ZMAT4: variants seen among roughly 807,000 people sequenced by gnomAD.
The protein encoded by ZMAT4 is zinc finger matrin-type protein 4.
In ZMAT4, 17 loss-of-function variants were observed where a neutral mutation model predicts 28.7. That is an observed-to-expected ratio of 0.59 (90% CI 0.41 to 0.89). ZMAT4 has a LOEUF of 0.89. Ranked by LOEUF, ZMAT4 falls within the 40% of genes least tolerant of loss-of-function variation. The pLI, the probability that ZMAT4 is intolerant of heterozygous loss-of-function variation, is 0.00. For missense variants in ZMAT4, 240 were observed against 283.8 expected, an observed-to-expected ratio of 0.85 and a Z score of 1.11; for synonymous variants, 117 against 109.2, an observed-to-expected ratio of 1.07 and a Z score of -0.44.
intron 4 of ZMAT4, among the ~76,000 whole-genome samples, chr8:40,688,409 T>G (rs1376176029): frequency 6.6e-6 from 1 of 152,072 alleles, no homozygotes; most frequent in East Asian, 1.9e-4. Context: ...AGAACTGAGA[T>G]GGCACCACTG....
chr8:40,879,033 T>C (rs573237528), intron 1 of ZMAT4, among the ~76,000 whole-genome samples: 1 of 152,334 alleles, frequency 6.6e-6, no homozygotes, highest in Admixed American at 6.5e-5. Flanking sequence ...TCCTGGAAGC[T>C]AATGAAGTTC....
intron 5 of ZMAT4, among the ~76,000 whole-genome samples, chr8:40,598,862 G>C (rs1322287182): frequency 6.6e-6 from 1 of 152,134 alleles, no homozygotes; most frequent in Non-Finnish European, 1.5e-5. Context: ...GATTTGGATT[G>C]TTACGGGGTT....
At chr8:40,562,790 C>A (rs573876770) in intron 6 of ZMAT4, among the ~76,000 whole-genome samples, 1 of 152,246 alleles carries the variant, frequency 6.6e-6, no homozygotes, top group East Asian at 1.9e-4. Flanking sequence ...TCTACACCTT[C>A]CTTCTTGAAA....
At chr8:40,566,559 A>T (rs1027866754) in intron 6 of ZMAT4, among the ~76,000 whole-genome samples, 1 of 152,108 alleles carries the variant, frequency 6.6e-6, no homozygotes, top group Non-Finnish European at 1.5e-5. Context: ...CTCTCACGGG[A>T]TGTGGAATAC....
chr8:40,885,631 C>T (rs943146124), intron 1 of ZMAT4, among the ~76,000 whole-genome samples: 2 of 152,214 alleles, frequency 1.3e-5, no homozygotes, highest in African/African-American at 2.4e-5. Context: ...CTCAAGTGAT[C>T]CTCCTGAGCA....
intron 5 of ZMAT4, among the ~76,000 whole-genome samples, chr8:40,610,031 C>T (rs892838306): frequency 5.9e-5 from 9 of 152,126 alleles, no homozygotes; most frequent in African/African-American, 2.2e-4. Context: ...AATAAATGTC[C>T]TGCAATTGTA....
intron 3 of ZMAT4, among the ~76,000 whole-genome samples, chr8:40,745,082 G>C (rs908267380): frequency 6.6e-6 from 1 of 152,184 alleles, no homozygotes; most frequent in African/African-American, 2.4e-5. Context: ...TGAAACCACA[G>C]GAAGGGACAA....
At chr8:40,631,987 T>C (rs560806026) in intron 5 of ZMAT4, among the ~76,000 whole-genome samples, 3 of 152,352 alleles carry the variant, frequency 2.0e-5, no homozygotes, top group Admixed American at 6.5e-5. Flanking sequence ...AGTGATTTCT[T>C]TCTCTGGAGC....
At chr8:40,641,917 A>T (rs916072168) in intron 5 of ZMAT4, among the ~76,000 whole-genome samples, 5 of 152,128 alleles carry the variant, frequency 3.3e-5, no homozygotes, top group African/African-American at 1.2e-4. Context: ...ACAAAGCGAG[A>T]ATCCGTCTAA....
At chr8:40,651,511 T>C (rs1393780822) in intron 5 of ZMAT4, among the ~76,000 whole-genome samples, 6 of 149,768 alleles carry the variant, frequency 4.0e-5, no homozygotes, top group Non-Finnish European at 7.4e-5. Flanking sequence ...CCCAAGGTAA[T>C]TTACAGATTC....
chr8:40,710,421 A>C (rs1356914230), intron 3 of ZMAT4, among the ~76,000 whole-genome samples: 1 of 152,214 alleles, frequency 6.6e-6, no homozygotes, highest in Admixed American at 6.5e-5. Flanking sequence ...GGCGAGTATC[A>C]AACCCTGTAA....
chr8:40,719,400 C>T (rs1214077262), intron 3 of ZMAT4, among the ~76,000 whole-genome samples: 1 of 151,816 alleles, frequency 6.6e-6, no homozygotes, highest in African/African-American at 2.4e-5. Flanking sequence ...TGAGATCGTG[C>T]CATCCAACCT....
At chr8:40,774,946 G>A (rs1202858230) in intron 2 of ZMAT4, among the ~76,000 whole-genome samples, 1 of 152,030 alleles carries the variant, frequency 6.6e-6, no homozygotes, top group Non-Finnish European at 1.5e-5. Context: ...TTCTAACACT[G>A]ATGATTTATC....
chr8:40,749,220 C>A (rs1812361675), intron 3 of ZMAT4, among the ~76,000 whole-genome samples: 1 of 152,028 alleles, frequency 6.6e-6, no homozygotes, highest in Non-Finnish European at 1.5e-5. Flanking sequence ...ATCAAATATC[C>A]AATCAGAAAG....
chr8:40,860,580 T>G (rs1160386264), intron 1 of ZMAT4, among the ~76,000 whole-genome samples: 2 of 152,224 alleles, frequency 1.3e-5, no homozygotes, highest in Non-Finnish European at 2.9e-5. Flanking sequence ...CATAGATCTG[T>G]GCGTTTGCCA....
intron 3 of ZMAT4, among the ~76,000 whole-genome samples, chr8:40,740,910 A>C (rs1437610619): frequency 6.6e-6 from 1 of 152,092 alleles, no homozygotes. Context: ...TCTACTTTAT[A>C]CATTCTTGAA....
intron 2 of ZMAT4, among the ~76,000 whole-genome samples, chr8:40,806,533 T>A (rs1815091647): frequency 6.6e-6 from 1 of 152,180 alleles, no homozygotes; most frequent in South Asian, 2.1e-4. Flanking sequence ...TCGTTTTTAA[T>A]TATTAAATAT....
At chr8:40,848,497 C>A (rs1816988812) in intron 1 of ZMAT4, among the ~76,000 whole-genome samples, 1 of 152,166 alleles carries the variant, frequency 6.6e-6, no homozygotes, top group African/African-American at 2.4e-5. Flanking sequence ...ATGAGTCAGG[C>A]AGCTGTACAT....
chr8:40,801,347 A>ATATAT (rs1174640469), intron 2 of ZMAT4, among the ~76,000 whole-genome samples: 1 of 48,570 alleles, frequency 2.1e-5, no homozygotes, highest in African/African-American at 9.3e-5. Context: ...TCTTTAAAAA[A>ATATAT]AAAAATATAT....
Sources: gnomAD v4.1 joint callset for allele counts (sites outside exome capture counted in the v4.1 genomes callset) on GRCh38, gnomAD v4.1.1 for gene constraint, MANE v1.5 for transcripts, NCBI Gene and HGNC (gene_info 2026-07-23, HGNC 2026-07-21) for gene names.